The following BCAT1 variants were observed in gnomAD, a reference collection of about 807,000 sequenced individuals.
BCAT1 encodes the protein branched chain amino acid transaminase 1.
In BCAT1, 48 loss-of-function variants were observed where a neutral mutation model predicts 52.4. That is an observed-to-expected ratio of 0.92 (90% CI 0.73 to 1.16). The LOEUF is 1.16. BCAT1 is among the 50% of genes most tolerant of loss of function. The pLI is 0.00. For synonymous variants in BCAT1, 167 were observed against 161.3 expected, an observed-to-expected ratio of 1.04 and a Z score of -0.27; for missense variants, 451 against 457.1, an observed-to-expected ratio of 0.99 and a Z score of 0.12.
chr12:24,929,818 C>G (rs1438240115), intron 1 of BCAT1, among the ~76,000 whole-genome samples: 1 of 152,172 alleles, frequency 6.6e-6, no homozygotes, highest in East Asian at 1.9e-4. Flanking sequence ...ATCATCTGGC[C>G]TTTCTTTGAG....
chr12:24,902,781 G>T, intron 1 of BCAT1: 1 of 1,016,348 alleles, frequency 9.8e-7, no homozygotes, highest in Non-Finnish European at 1.4e-6. Context: ...CCAGATTTCG[G>T]GCAGGGATGC....
At chr12:24,914,463 T>A (rs1481457490) in intron 1 of BCAT1, among the ~76,000 whole-genome samples, 1 of 152,198 alleles carries the variant, frequency 6.6e-6, no homozygotes, top group African/African-American at 2.4e-5. Context: ...AACAGTTATA[T>A]CTCATTTCAG....
At chr12:24,821,012 G>A (rs1940102515) in intron 10 of BCAT1, among the ~76,000 whole-genome samples, 1 of 152,156 alleles carries the variant, frequency 6.6e-6, no homozygotes, top group Non-Finnish European at 1.5e-5. Context: ...CGTGGAGGAG[G>A]ATGTGCTGGA....
chr12:24,885,820 G>A (rs1171768889), intron 3 of BCAT1, among the ~76,000 whole-genome samples: 1 of 152,084 alleles, frequency 6.6e-6, no homozygotes, highest in East Asian at 1.9e-4. Flanking sequence ...GGGAAAACTG[G>A]GTATACATAG....
chr12:24,823,373 C>T (rs958257101), intron 10 of BCAT1, among the ~76,000 whole-genome samples: 1 of 152,154 alleles, frequency 6.6e-6, no homozygotes, highest in African/African-American at 2.4e-5. Flanking sequence ...CATGCCTGGC[C>T]ACCTTCTTCA....
At chr12:24,925,461 T>C (rs1481353211) in intron 1 of BCAT1, among the ~76,000 whole-genome samples, 8 of 152,088 alleles carry the variant, frequency 5.3e-5, no homozygotes, top group Non-Finnish European at 5.9e-5. Flanking sequence ...GATATAGATA[T>C]AGATAAAGAT....
At chr12:24,862,496 C>T (rs909847927) in intron 5 of BCAT1, among the ~76,000 whole-genome samples, 5 of 152,192 alleles carry the variant, frequency 3.3e-5, no homozygotes, top group African/African-American at 1.2e-4. Context: ...AGAGGGCTTT[C>T]GTGTCCTCTG....
In BCAT1 at chr12:24,816,104, CT is replaced by C. The variant is rs1389465322; in HGVS notation, c.*1903del. On this transcript the variant is annotated 3_prime_UTR_variant, in exon 11 of 11. Coordinates refer to ENST00000261192, the MANE Select transcript of BCAT1 (RefSeq NM_005504.7). ...TTTCAGATCACCAATTAAAAGCCCC[CT>C]AAAAGATATTTTTATCATTCCTTTT... 1.3e-5 allele frequency: 2 copies of C among 155,770 alleles called. No individual in the cohort carries two copies. Among genetic ancestry groups the C allele is most frequent in the African/African-American group, 4.8e-5 (2 of 41,606 alleles). The allele number at this position is 155,770 out of a possible 1,614,324, so 9.6% of individuals were successfully genotyped here. A position where few individuals can be genotyped will look rare whatever the true frequency, so the allele number is the denominator to read the frequency against.
intron 3 of BCAT1, among the ~76,000 whole-genome samples, chr12:24,882,523 G>T (rs1487636942): frequency 2.0e-5 from 3 of 151,914 alleles, no homozygotes; most frequent in Non-Finnish European, 2.9e-5. Context: ...TGTTAGATTG[G>T]ACTCAGCTGA....
chr12:24,877,450 G>C (rs58322095), intron 5 of BCAT1, among the ~76,000 whole-genome samples: 10,000 of 152,172 alleles, frequency 0.066, 451 homozygotes, highest in East Asian at 0.15. Flanking sequence ...GCCCCTCCAG[G>C]CATGCCCAAT....
intron 1 of BCAT1, among the ~76,000 whole-genome samples, chr12:24,916,434 C>A (rs534209228): frequency 4.1e-4 from 62 of 151,750 alleles, no homozygotes; most frequent in East Asian, 2.9e-3. Context: ...CGGTTGCACT[C>A]AAAAAAAAGA....
intron 1 of BCAT1, chr12:24,902,484 A>T: frequency 2.7e-5 from 9 of 338,320 alleles, no homozygotes; most frequent in South Asian, 8.8e-5. Context: ...ATTTGTTTTA[A>T]TGCGTAATCT....
chr12:24,948,336 G>T (rs190208603), intron 1 of BCAT1, among the ~76,000 whole-genome samples: 1 of 152,340 alleles, frequency 6.6e-6, no homozygotes, highest in Admixed American at 6.5e-5. Flanking sequence ...AGAGCCATTA[G>T]GGTGCTCACT....
chr12:24,942,616 G>A (rs1167865715), intron 1 of BCAT1, among the ~76,000 whole-genome samples: 1 of 152,052 alleles, frequency 6.6e-6, no homozygotes, highest in Non-Finnish European at 1.5e-5. Flanking sequence ...TGGCTAAGGT[G>A]GAGTCACCTG....
In BCAT1 at chr12:24,887,988, T is replaced by C. The variant is rs150888494; in HGVS notation, c.279+6287A>G. On this transcript the variant is annotated intron_variant, in intron 3 of 10. Coordinates refer to ENST00000261192, the MANE Select transcript of BCAT1 (RefSeq NM_005504.7). ...TGAAGGAGAAACATGTTCAAGGATA[T>C]TACTCCTATTTAATTTTGCATTTAA... Among the ~76,000 whole-genome samples the C allele has an allele frequency of 4.6e-5, 7 of 152,302 alleles. 1 individual carries two copies. The East Asian group carries it at 1.3e-3, about 29-fold the overall frequency.
At chr12:24,914,413 T>C (rs529257686) in intron 1 of BCAT1, among the ~76,000 whole-genome samples, 2 of 152,288 alleles carry the variant, frequency 1.3e-5, no homozygotes, top group African/African-American at 4.8e-5. Flanking sequence ...ATTGAACTAG[T>C]CTTGCAGTCG....
intron 1 of BCAT1, among the ~76,000 whole-genome samples, chr12:24,937,115 C>A (rs1213477911): frequency 6.6e-6 from 1 of 152,116 alleles, no homozygotes; most frequent in Non-Finnish European, 1.5e-5. Context: ...GATATCAATC[C>A]CAAAGTCATA....
chr12:24,878,675 T>A (rs780505854), intron 4 of BCAT1, 26 bp from the exon 5 acceptor site: 82 of 1,578,732 alleles, frequency 5.2e-5, no homozygotes, highest in Non-Finnish European at 6.5e-5. Flanking sequence ...ACATAATAAA[T>A]GACAGAATTT....
At chr12:24,918,186 G>GT (rs1943447335) in intron 1 of BCAT1, among the ~76,000 whole-genome samples, 1 of 152,218 alleles carries the variant, frequency 6.6e-6, no homozygotes, top group African/African-American at 2.4e-5. Flanking sequence ...TGAGAAGACA[G>GT]TAAGTAAACT....
Sources: allele counts gnomAD v4.1 joint callset (sites outside exome capture counted in the v4.1 genomes callset), GRCh38; gene constraint gnomAD v4.1.1; transcripts MANE v1.5; gene names NCBI Gene and HGNC (gene_info 2026-07-23, HGNC 2026-07-21).